FA2H: variants seen among roughly 807,000 people sequenced by gnomAD.
The protein encoded by FA2H is fatty acid 2-hydroxylase.
Under a neutral mutation model 44.9 loss-of-function variants are expected in FA2H, and 22 were observed. The observed-to-expected ratio is 0.49, with a 90% confidence interval of 0.35 to 0.70. The LOEUF (loss-of-function observed/expected upper bound fraction) is 0.70. Among genes scored for constraint, FA2H ranks in the 30% least tolerant of loss-of-function variants. FA2H has a pLI of 0.01. For synonymous variants in FA2H, 243 were observed against 213.2 expected (o/e 1.14, Z -1.22); for missense variants, 501 against 504.9 (o/e 0.99, Z 0.07).
intron 1 of FA2H, among the ~76,000 whole-genome samples, chr16:74,747,362 A>G (rs1392001387): frequency 4.6e-5 from 7 of 152,016 alleles, no homozygotes; most frequent in Non-Finnish European, 1.5e-5. Context: ...AAGAAAAGTG[A>G]CAAAATCTGT....
chr16:74,766,459 G>A (rs886646870), intron 1 of FA2H, among the ~76,000 whole-genome samples: 3 of 152,160 alleles, frequency 2.0e-5, no homozygotes, highest in African/African-American at 4.8e-5. Context: ...AAGGGATATG[G>A]CAATAGGGAG....
chr16:74,732,289 T>A (rs1029208101), intron 2 of FA2H, among the ~76,000 whole-genome samples: 1 of 152,244 alleles, frequency 6.6e-6, no homozygotes, highest in Non-Finnish European at 1.5e-5. Flanking sequence ...GATCTTGAAC[T>A]ATGATCTTTT....
chr16:74,765,159 CTT>C (rs11411146), intron 1 of FA2H, among the ~76,000 whole-genome samples: 46 of 147,058 alleles, frequency 3.1e-4, no homozygotes, highest in Middle Eastern at 3.5e-3. Context: ...TTTTCTTAAT[CTT>C]TTTTTTTTTT....
chr16:74,720,224 C>A (rs933455758), intron 4 of FA2H, among the ~76,000 whole-genome samples: 1 of 88,946 alleles, frequency 1.1e-5, no homozygotes, highest in Non-Finnish European at 2.0e-5. Context: ...GAGATAGAGT[C>A]TTGCTCTGTT....
chr16:74,735,545 C>T (rs1459705008), intron 2 of FA2H, among the ~76,000 whole-genome samples: 7 of 152,226 alleles, frequency 4.6e-5, no homozygotes, highest in Admixed American at 3.9e-4. Context: ...TGAGCGCTGG[C>T]AGAAAGCAGG....
intron 1 of FA2H, among the ~76,000 whole-genome samples, chr16:74,767,477 A>G (rs772666318): frequency 2.0e-4 from 30 of 152,218 alleles, no homozygotes; most frequent in Non-Finnish European, 3.8e-4. Flanking sequence ...TGCAGATGTC[A>G]TTAAGTGAAA....
At chr16:74,746,487 G>C (rs1427755507) in intron 1 of FA2H, among the ~76,000 whole-genome samples, 2 of 151,634 alleles carry the variant, frequency 1.3e-5, no homozygotes, top group African/African-American at 4.8e-5. Context: ...GCTTCCTAAG[G>C]TGCTAGGATT....
rs1128935 is a variant in FA2H, at chr16:74,712,976, T to G, written c.*1214A>C. On this transcript the variant is annotated 3_prime_UTR_variant, in exon 7 of 7. Coordinates refer to ENST00000219368, the MANE Select transcript of FA2H (RefSeq NM_024306.5). ...CTCATTTTTGTTGGTTTCTTTTCAG[T>G]GTTTTATTTTTCAAAATATACAATT... The G allele has an allele frequency of 6.6e-6, 1 of 152,656 alleles. No homozygotes were observed. The highest frequency in any genetic ancestry group is 1.5e-5 in the Non-Finnish European group (1 of 68,044). The allele number at this position is 152,656 out of a possible 1,614,324, so 9.5% of individuals were successfully genotyped here.
At chr16:74,767,961 C>T (rs1333841110) in intron 1 of FA2H, among the ~76,000 whole-genome samples, 6 of 152,094 alleles carry the variant, frequency 3.9e-5, no homozygotes, top group African/African-American at 9.7e-5. Context: ...CACTGACCAC[C>T]GGGTGGAGGA....
intron 1 of FA2H, among the ~76,000 whole-genome samples, chr16:74,752,733 G>A (rs944241636): frequency 5.9e-5 from 9 of 152,194 alleles, no homozygotes; most frequent in Non-Finnish European, 1.3e-4. Context: ...GTGGGGAGCA[G>A]GAGGCAGCCC....
intron 1 of FA2H, among the ~76,000 whole-genome samples, chr16:74,762,667 C>T (rs1246613720): frequency 3.3e-5 from 5 of 152,108 alleles, no homozygotes; most frequent in African/African-American, 9.7e-5. Flanking sequence ...TTAACTGGGA[C>T]TACAGGTGCA....
intron 1 of FA2H, among the ~76,000 whole-genome samples, chr16:74,770,543 T>C (rs1962887033): frequency 6.6e-6 from 1 of 152,160 alleles, no homozygotes. Context: ...CACACCCAGC[T>C]AATTTTTTGT....
intron 1 of FA2H, among the ~76,000 whole-genome samples, chr16:74,756,136 T>A (rs1030727925): frequency 1.3e-5 from 2 of 152,186 alleles, no homozygotes; most frequent in Non-Finnish European, 2.9e-5. Flanking sequence ...CTAGCAATCA[T>A]GGCTGCCCCT....
intron 1 of FA2H, among the ~76,000 whole-genome samples, chr16:74,759,731 G>C (rs1962671772): frequency 6.6e-6 from 1 of 152,350 alleles, no homozygotes; most frequent in East Asian, 1.9e-4. Context: ...GCTGGCCTGA[G>C]GCTCTGTCTG....
At chr16:74,732,004 C>G (rs1962079988) in intron 2 of FA2H, among the ~76,000 whole-genome samples, 1 of 152,196 alleles carries the variant, frequency 6.6e-6, no homozygotes, top group South Asian at 2.1e-4. Context: ...TCCCGAGTAG[C>G]TGGGACTATA....
Position 74,716,695 on chromosome 16 carries a change from G to T in FA2H, c.787-96C>A, listed in dbSNP as rs143255996. ...CCCTGCAGAGGACAGGGGCACAGCG[G>T]CCCAGACATTCCACTGCGTAGGCTT... On this transcript the variant is annotated intron_variant, in intron 5 of 6. Transcript: ENST00000219368. 8 of 1,386,368 alleles carry T rather than the reference G, an allele frequency of 5.8e-6. No individual in the cohort carries two copies. In the East Asian group the frequency reaches 1.7e-4, roughly 30 times the overall value. 85.9% of individuals were successfully genotyped at this position (1,386,368 alleles called of 1,614,324 possible).
At position 74,744,421 on chromosome 16, in the gene FA2H, C is replaced by T. The variant is rs529796790; in HGVS notation, c.271-4306G>A. Among the ~76,000 whole-genome samples the T allele has an allele frequency of 1.2e-3, 182 of 150,266 alleles. 1 individual carries two copies. The highest frequency in any genetic ancestry group is 1.9e-3 in the Non-Finnish European group (128 of 67,708). On this transcript the variant is annotated intron_variant, in intron 1 of 6. Coordinates refer to ENST00000219368, the MANE Select transcript of FA2H (RefSeq NM_024306.5). ...GAAGATATGTGTGCTTTCTTTTTTC[C>T]AGTATTTGGAAATTATTCCAGATGA...
intron 2 of FA2H, among the ~76,000 whole-genome samples, chr16:74,736,803 G>T (rs950257765): frequency 6.6e-6 from 1 of 152,110 alleles, no homozygotes; most frequent in Non-Finnish European, 1.5e-5. Flanking sequence ...CCGGCCTCAG[G>T]GTCTTATTCA....
At chr16:74,759,378 C>G (rs1597568851) in intron 1 of FA2H, among the ~76,000 whole-genome samples, 1 of 152,312 alleles carries the variant, frequency 6.6e-6, no homozygotes, top group South Asian at 2.1e-4. Context: ...TAGCAACATG[C>G]CATCGGCTGA....
Sources: gnomAD v4.1 joint callset for allele counts (sites outside exome capture counted in the v4.1 genomes callset) on GRCh38, gnomAD v4.1.1 for gene constraint, MANE v1.5 for transcripts, NCBI Gene and HGNC (gene_info 2026-07-23, HGNC 2026-07-21) for gene names.